Variants in RNF43 observed in about 807,000 individuals in gnomAD.
The protein encoded by RNF43 is E3 ubiquitin-protein ligase RNF43.
A neutral mutation model predicts 78.4 loss-of-function variants in RNF43; 37 were observed. The ratio of observed to expected loss-of-function variants is 0.47; its 90% CI spans 0.36 to 0.62. The LOEUF is 0.62. Ranked by LOEUF, RNF43 falls within the 20% of genes least tolerant of loss-of-function variation. The pLI is 0.00. For missense variants in RNF43, 774 were observed against 1,007.9 expected (o/e 0.77, Z 3.14); for synonymous variants, 347 against 395.0 (o/e 0.88, Z 1.44).
At chr17:58,370,776 G>C (rs906910535) in intron 3 of RNF43, 135 bp downstream of exon 3, 2 of 1,032,630 alleles carry the variant, frequency 1.9e-6, no homozygotes, top group Admixed American at 5.8e-5. Flanking sequence ...TCTCAGACCA[G>C]TCATGGGTTA....
At chr17:58,355,515 G>A (rs1972668904) in intron 9 of RNF43, among the ~76,000 whole-genome samples, 1 of 152,174 alleles carries the variant, frequency 6.6e-6, no homozygotes, top group Non-Finnish European at 1.5e-5. Flanking sequence ...AGAGAAGGCA[G>A]GAGAATATTC....
Position 58,354,194 on chromosome 17 carries a change from C to T in RNF43, c.*749G>A, listed in dbSNP as rs1972635629. Reference sequence around the variant, plus strand: ...ATCCTTCCTCTGCCCAGATAAAGTCCAGCAGAAATTCCTCCTTTCTACCTC... The same window carrying T: ...ATCCTTCCTCTGCCCAGATAAAGTCTAGCAGAAATTCCTCCTTTCTACCTC... On this transcript the variant is annotated 3_prime_UTR_variant, in exon 10 of 10. Coordinates refer to ENST00000407977, the MANE Select transcript of RNF43 (RefSeq NM_017763.6). 1 of 202,938 alleles carries T rather than the reference C, an allele frequency of 4.9e-6. No individual in the cohort carries two copies. The highest frequency in any genetic ancestry group is 1.0e-5 in the Non-Finnish European group (1 of 98,806). The allele number at this position is 202,938 out of a possible 1,614,324, so 12.6% of individuals were successfully genotyped here.
At chr17:58,395,151 C>T (rs1263757990) in intron 2 of RNF43, 1 of 152,214 alleles carries the variant, frequency 6.6e-6, no homozygotes, top group Non-Finnish European at 1.5e-5. Flanking sequence ...CCTCTTTCTG[C>T]CTTCAGTACC....
At chr17:58,399,899 C>CA (rs1973759222) in intron 2 of RNF43, among the ~76,000 whole-genome samples, 1 of 152,132 alleles carries the variant, frequency 6.6e-6, no homozygotes, top group Non-Finnish European at 1.5e-5. Flanking sequence ...CTCAGCCTCC[C>CA]AAAGTACTAG....
intron 9 of RNF43, chr17:58,356,950 G>A (rs1598124726): frequency 2.6e-6 from 1 of 386,834 alleles, no homozygotes; most frequent in Non-Finnish European, 4.7e-6. Flanking sequence ...CTGGAGTGCA[G>A]TGGCGCCATC....
At chr17:58,383,164 G>A (rs1343807999) in intron 2 of RNF43, among the ~76,000 whole-genome samples, 1 of 152,178 alleles carries the variant, frequency 6.6e-6, no homozygotes, top group African/African-American at 2.4e-5. Context: ...GTTCACTCTG[G>A]ATAATATTCC....
In RNF43 at chr17:58,354,986, C is replaced by A; in HGVS notation, c.2309G>T (p.Gly770Val). 1.2e-6 allele frequency: 2 copies of A among 1,613,954 alleles called. No homozygotes were observed. Residue 770 changes from glycine (G) to valine (V), a missense_variant and splice_region_variant, in exon 10 of 10, where the codon GGC becomes GTC. Coordinates refer to ENST00000407977, the MANE Select transcript of RNF43 (RefSeq NM_017763.6). ...CAGCTCCTCGAGTTCCTCCTCTGAG[C>A]CTGTATTTAGAGAGCGGGGAGGAAA... Reference protein sequence around the residue: ...PHCQVLSAQPGSEEELEELCE... With the variant: ...PHCQVLSAQPVSEEELEELCE...
chr17:58,394,776 C>T (rs1973640268), intron 2 of RNF43: 1 of 152,220 alleles, frequency 6.6e-6, no homozygotes, highest in Non-Finnish European at 1.5e-5. Context: ...TCTCCAGTAA[C>T]TGGGCTGCTC....
chr17:58,410,700 A>C (rs1974010691), intron 2 of RNF43, among the ~76,000 whole-genome samples: 1 of 152,234 alleles, frequency 6.6e-6, no homozygotes, highest in African/African-American at 2.4e-5. Context: ...AAGGTGATGA[A>C]ATATGTTACA....
chr17:58,407,460 T>TA (rs1193200055), intron 2 of RNF43, among the ~76,000 whole-genome samples: 31 of 152,136 alleles, frequency 2.0e-4, no homozygotes, highest in East Asian at 1.9e-4. Context: ...CTTACAATTT[T>TA]AAAAAAACCT....
At chr17:58,363,193 G>A (rs1359517771) in intron 5 of RNF43, 82 bp downstream of exon 5, 8 of 1,543,540 alleles carry the variant, frequency 5.2e-6, no homozygotes, top group Admixed American at 1.7e-5. Flanking sequence ...AGCTCCAGGA[G>A]TCTAAGGGCT....
At chr17:58,359,690 G>C (rs1028549796) in intron 8 of RNF43, among the ~76,000 whole-genome samples, 1 of 151,934 alleles carries the variant, frequency 6.6e-6, no homozygotes, top group African/African-American at 2.4e-5. Flanking sequence ...ACTTTGGGAG[G>C]CCAAGGTAGG....
chr17:58,400,682 T>C (rs373750101), intron 2 of RNF43, among the ~76,000 whole-genome samples: 90 of 152,352 alleles, frequency 5.9e-4, no homozygotes, highest in Admixed American at 1.7e-3. Context: ...CTTTTCACTG[T>C]AGGATGTCGC....
intron 2 of RNF43, among the ~76,000 whole-genome samples, chr17:58,398,822 A>G (rs1398208723): frequency 6.6e-6 from 1 of 152,266 alleles, no homozygotes; most frequent in Non-Finnish European, 1.5e-5. Flanking sequence ...TTTAATGATA[A>G]TAACAGTGAT....
rs1346030023 is a variant in RNF43, at chr17:58,371,737, G to A, written c.253-704C>T. Among the ~76,000 whole-genome samples, 3 of 152,230 alleles carry A rather than the reference G, an allele frequency of 2.0e-5. 1 individual carries two copies. Among genetic ancestry groups the A allele is most frequent in the Admixed American group, 1.3e-4 (2 of 15,290 alleles). ...TCACCCTGGTCCCAGGAATGATGCC[G>A]TGGAGGTGGAGCCAGCCCAGCCCAT... On this transcript the variant is annotated intron_variant, in intron 2 of 9. Transcript: ENST00000407977.
intron 2 of RNF43, among the ~76,000 whole-genome samples, chr17:58,371,372 C>T (rs2143519353): frequency 6.6e-6 from 1 of 152,374 alleles, no homozygotes; most frequent in Admixed American, 6.5e-5. Flanking sequence ...GGCTCCTCTC[C>T]TGGCCCCAGC....
chr17:58,393,316 A>G (rs1973599480), intron 2 of RNF43, among the ~76,000 whole-genome samples: 1 of 152,180 alleles, frequency 6.6e-6, no homozygotes, highest in Non-Finnish European at 1.5e-5. Flanking sequence ...CTGAGGCAGG[A>G]GAATCACTTG....
chr17:58,380,768 A>C (rs2240259), intron 2 of RNF43, among the ~76,000 whole-genome samples: 28,335 of 152,162 alleles, frequency 0.19, 2,747 homozygotes, highest in Non-Finnish European at 0.2. Flanking sequence ...AGAGTGCGAA[A>C]TAGCTTCATT....
intron 2 of RNF43, among the ~76,000 whole-genome samples, chr17:58,385,295 T>C (rs2143578433): frequency 6.6e-6 from 1 of 152,358 alleles, no homozygotes; most frequent in African/African-American, 2.4e-5. Context: ...AAAATGCTTG[T>C]TAGACTTTAT....
Sources: gnomAD v4.1 joint callset for allele counts (sites outside exome capture counted in the v4.1 genomes callset) on GRCh38, gnomAD v4.1.1 for gene constraint, MANE v1.5 for transcripts, NCBI Gene and HGNC (gene_info 2026-07-23, HGNC 2026-07-21) for gene names.